Variants in MARCHF1 observed in about 807,000 individuals in gnomAD.
MARCHF1 encodes the protein membrane associated ring-CH-type finger 1.
MARCHF1 carries 40 observed loss-of-function variants against 54.2 expected under a neutral mutation model. The ratio of observed to expected loss-of-function variants is 0.74; its 90% CI spans 0.57 to 0.96. The LOEUF (loss-of-function observed/expected upper bound fraction) is 0.96, where lower values mean the gene tolerates loss of function less well. Among genes scored for constraint, MARCHF1 ranks in the 40% least tolerant of loss-of-function variants. The probability of loss-of-function intolerance (pLI) is 0.00; values close to 1 mark genes in which losing one functional copy is unlikely to be tolerated. For missense variants in MARCHF1, 586 were observed against 656.5 expected (o/e 0.89, Z 1.17); for synonymous variants, 236 against 236.3 (o/e 1.00, Z 0.01).
chr4:163,930,214 A>G (rs557452165), intron 3 of MARCHF1, among the ~76,000 whole-genome samples: 12 of 151,292 alleles, frequency 7.9e-5, no homozygotes, highest in South Asian at 6.2e-4. Context: ...GTAAGAATCA[A>G]CCCTCATTTC....
At chr4:163,554,685 T>G (rs939305984) in intron 8 of MARCHF1, among the ~76,000 whole-genome samples, 5 of 152,192 alleles carry the variant, frequency 3.3e-5, no homozygotes, top group African/African-American at 1.2e-4. Context: ...TTTGCTGGAA[T>G]TATATGAGAT....
chr4:163,573,526 T>C (rs552457693), intron 8 of MARCHF1, among the ~76,000 whole-genome samples: 2 of 139,464 alleles, frequency 1.4e-5, no homozygotes, highest in Admixed American at 8.0e-5. Flanking sequence ...TGTGATCTCA[T>C]TGTTCAGTTC....
intron 2 of MARCHF1, among the ~76,000 whole-genome samples, chr4:164,095,167 GAGCTCAGACTTCA>G (rs1320536095): frequency 6.6e-6 from 1 of 152,060 alleles, no homozygotes; most frequent in Non-Finnish European, 1.5e-5. Context: ...TATAAATTGA[GAGCTCAGACTTCA>G]AGCCCAGAAC....
At chr4:163,792,664 TAATC>T (rs1342208343) in intron 4 of MARCHF1, among the ~76,000 whole-genome samples, 1 of 152,210 alleles carries the variant, frequency 6.6e-6, no homozygotes, top group African/African-American at 2.4e-5. Flanking sequence ...GAGTAAAACA[TAATC>T]AGTCAATCCT....
chr4:164,144,462 A>G (rs927192723), intron 1 of MARCHF1, among the ~76,000 whole-genome samples: 2 of 151,688 alleles, frequency 1.3e-5, no homozygotes, highest in African/African-American at 4.9e-5. Context: ...AGAAATTATA[A>G]CAAACGATCT....
intron 1 of MARCHF1, among the ~76,000 whole-genome samples, chr4:164,181,652 C>T (rs185628271): frequency 9.2e-5 from 14 of 152,188 alleles, no homozygotes; most frequent in Admixed American, 3.9e-4. Context: ...GATGCTTCTT[C>T]GGGAAGGTGA....
At chr4:163,673,127 A>G (rs895728012) in intron 5 of MARCHF1, among the ~76,000 whole-genome samples, 1 of 152,224 alleles carries the variant, frequency 6.6e-6, no homozygotes, top group Non-Finnish European at 1.5e-5. Context: ...AATTCAGCCA[A>G]CCACATACAT....
chr4:164,187,267 G>GT (rs1258962378), intron 1 of MARCHF1, among the ~76,000 whole-genome samples: 12 of 61,092 alleles, frequency 2.0e-4, no homozygotes, highest in Non-Finnish European at 4.8e-4. Context: ...AACTAGGTCT[G>GT]CCCCCCTCCT....
chr4:163,747,983 C>G, intron 4 of MARCHF1, among the ~76,000 whole-genome samples: 1 of 152,130 alleles, frequency 6.6e-6, no homozygotes, highest in Non-Finnish European at 1.5e-5. Context: ...AGGTACAATG[C>G]CAAAAACCTG....
intron 1 of MARCHF1, among the ~76,000 whole-genome samples, chr4:164,351,440 G>A: frequency 6.6e-6 from 1 of 150,714 alleles, no homozygotes. Context: ...GCCTCCTCAA[G>A]TGGGTCCCTG....
intron 2 of MARCHF1, among the ~76,000 whole-genome samples, chr4:164,071,367 T>C (rs1754860605): frequency 1.3e-5 from 2 of 152,094 alleles, no homozygotes; most frequent in Admixed American, 6.6e-5. Flanking sequence ...TTTGCATGGA[T>C]TATAATAGAT....
intron 2 of MARCHF1, among the ~76,000 whole-genome samples, chr4:164,049,976 TA>T (rs892139577): frequency 2.0e-5 from 3 of 152,102 alleles, no homozygotes; most frequent in Non-Finnish European, 1.5e-5. Context: ...AAGTTTGATA[TA>T]AAAAATGAAG....
At chr4:163,827,267 C>T (rs1256353852) in intron 4 of MARCHF1, among the ~76,000 whole-genome samples, 3 of 151,718 alleles carry the variant, frequency 2.0e-5, no homozygotes, top group African/African-American at 7.3e-5. Context: ...GATATTTGAC[C>T]AACATATTGA....
intron 4 of MARCHF1, among the ~76,000 whole-genome samples, chr4:163,776,797 T>G (rs1414827557): frequency 1.3e-5 from 2 of 152,172 alleles, no homozygotes; most frequent in Admixed American, 6.6e-5. Flanking sequence ...TTATCACTGC[T>G]GTAGAAATGG....
At chr4:164,160,406 ATAGGG>A (rs1176145898) in intron 1 of MARCHF1, among the ~76,000 whole-genome samples, 1 of 152,166 alleles carries the variant, frequency 6.6e-6, no homozygotes, top group Non-Finnish European at 1.5e-5. Flanking sequence ...CTAAACATAG[ATAGGG>A]TAAAGTAAAA....
At chr4:163,748,769 T>A (rs1746433260) in intron 4 of MARCHF1, among the ~76,000 whole-genome samples, 1 of 152,208 alleles carries the variant, frequency 6.6e-6, no homozygotes, top group Non-Finnish European at 1.5e-5. Flanking sequence ...CCCTCCCTGG[T>A]GGAAACAGAT....
chr4:163,619,696 G>A (rs974538394), intron 5 of MARCHF1, among the ~76,000 whole-genome samples: 1 of 151,736 alleles, frequency 6.6e-6, no homozygotes, highest in Non-Finnish European at 1.5e-5. Context: ...GGCGTTGACT[G>A]GTCATTTGGA....
intron 3 of MARCHF1, among the ~76,000 whole-genome samples, chr4:163,931,631 G>A (rs1751678848): frequency 6.6e-6 from 1 of 152,146 alleles, no homozygotes; most frequent in South Asian, 2.1e-4. Flanking sequence ...AAGCTACCAG[G>A]CTATGGTATT....
chr4:164,009,114 TAAAAG>T (rs1357886335), intron 2 of MARCHF1, among the ~76,000 whole-genome samples: 2 of 151,792 alleles, frequency 1.3e-5, no homozygotes, highest in Admixed American at 6.6e-5. Context: ...ATCAAAAACA[TAAAAG>T]AATATGTAAA....
Sources: allele counts gnomAD v4.1 joint callset (sites outside exome capture counted in the v4.1 genomes callset), GRCh38; gene constraint gnomAD v4.1.1; transcripts MANE v1.5; gene names NCBI Gene and HGNC (gene_info 2026-07-23, HGNC 2026-07-21).